The following EYS variants were observed in gnomAD, a reference collection of about 807,000 sequenced individuals.
EYS encodes EGF-like photoreceptor maintenance factor.
A neutral mutation model predicts 282.1 loss-of-function variants in EYS; 250 were observed. The observed-to-expected ratio is 0.89, with a 90% CI of 0.80 to 0.98. The LOEUF is 0.98. EYS is among the 50% of genes least tolerant of loss of function. The pLI is 0.00. For synonymous variants in EYS, 1,355 were observed against 1,282.9 expected (o/e 1.06, Z -1.20); for missense variants, 4,016 against 3,709.0 (o/e 1.08, Z -2.15).
At chr6:65,494,625 T>C in intron 4 of EYS, 38 bp downstream of exon 4, 2 of 1,491,994 alleles carry the variant, frequency 1.3e-6, no homozygotes, top group Admixed American at 2.0e-5. Flanking sequence ...ACTGTGTTTC[T>C]CTATTTTAAT....
intron 22 of EYS, among the ~76,000 whole-genome samples, chr6:64,668,841 A>G (rs561660326): frequency 1.3e-5 from 2 of 152,098 alleles, no homozygotes; most frequent in African/African-American, 4.8e-5. Flanking sequence ...TGCTGGTATT[A>G]CAGGTGTGAG....
At chr6:65,146,840 T>C (rs536744349) in intron 12 of EYS, among the ~76,000 whole-genome samples, 1 of 152,128 alleles carries the variant, frequency 6.6e-6, no homozygotes, top group South Asian at 2.1e-4. Context: ...CAGTTTAATT[T>C]TTATTAATTC....
chr6:65,171,318 AACAGGTAAC>A (rs1765100880), intron 12 of EYS, among the ~76,000 whole-genome samples: 2 of 151,578 alleles, frequency 1.3e-5, no homozygotes, highest in South Asian at 2.1e-4. Context: ...ATCTACTATG[AACAGGTAAC>A]ACATTAAATA....
rs574033529 is a variant in EYS at position 64,384,720 on chromosome 6, G to A, written c.6078+3970C>T. On this transcript the variant is annotated intron_variant, in intron 29 of 42. Coordinates refer to ENST00000503581, the MANE Select transcript of EYS (RefSeq NM_001142800.2). ...GTGTTTTTCTACCACCAGAGAGAAG[G>A]CATTTACTCTCAGACCTTGAAAGTT... 9.9e-5 allele frequency among the ~76,000 whole-genome samples: 15 copies of A among 152,264 alleles called. No individual in the cohort carries two copies. In the South Asian group the frequency reaches 2.5e-3, roughly 25 times the overall value.
chr6:64,108,055 G>C (rs1464649927), intron 31 of EYS, among the ~76,000 whole-genome samples: 1 of 151,332 alleles, frequency 6.6e-6, no homozygotes, highest in Non-Finnish European at 1.5e-5. Context: ...GAGAAGAACA[G>C]AATGCTCTGT....
chr6:65,560,804 A>G (rs1769025335), intron 2 of EYS, among the ~76,000 whole-genome samples: 1 of 152,110 alleles, frequency 6.6e-6, no homozygotes, highest in Non-Finnish European at 1.5e-5. Context: ...TATTATATAT[A>G]CTGGTCCCAT....
chr6:64,687,600 T>C (rs765974941), intron 22 of EYS, among the ~76,000 whole-genome samples: 17 of 152,236 alleles, frequency 1.1e-4, no homozygotes, highest in Non-Finnish European at 1.5e-4. Context: ...AACTTTTTGA[T>C]ATGCGGCTGG....
At chr6:63,796,801 T>A (rs950385175) in intron 37 of EYS, among the ~76,000 whole-genome samples, 1 of 152,348 alleles carries the variant, frequency 6.6e-6, no homozygotes, top group South Asian at 2.1e-4. Context: ...GGATTGTCTC[T>A]AGGAATAACT....
intron 26 of EYS, among the ~76,000 whole-genome samples, chr6:64,461,636 T>C (rs558877054): frequency 6.6e-6 from 1 of 152,282 alleles, no homozygotes; most frequent in East Asian, 1.9e-4. Context: ...GAAATTCCAG[T>C]GGTTTAACAG....
At chr6:64,007,480 C>T (rs1377184178) in intron 33 of EYS, among the ~76,000 whole-genome samples, 6 of 150,708 alleles carry the variant, frequency 4.0e-5, no homozygotes, top group Admixed American at 1.3e-4. Flanking sequence ...TTTTTTACAT[C>T]TCAATTTCCT....
intron 13 of EYS, among the ~76,000 whole-genome samples, chr6:65,006,915 C>T (rs1771686847): frequency 6.6e-6 from 1 of 152,190 alleles, no homozygotes; most frequent in African/African-American, 2.4e-5. Context: ...TTGCTACACC[C>T]TCTCTGAAAT....
intron 33 of EYS, among the ~76,000 whole-genome samples, chr6:64,048,916 A>C (rs1174806869): frequency 2.0e-5 from 3 of 150,652 alleles, no homozygotes; most frequent in Non-Finnish European, 4.4e-5. Context: ...TTCCCCCCCT[A>C]GATGTTTGCT....
chr6:64,740,730 T>A (rs2149960726), intron 22 of EYS, among the ~76,000 whole-genome samples: 1 of 151,888 alleles, frequency 6.6e-6, no homozygotes, highest in Middle Eastern at 3.4e-3. Flanking sequence ...TTTTTTTTTT[T>A]TTTTACTGAG....
chr6:64,902,236 T>A lies in EYS; in HGVS notation c.2739-16A>T. On this transcript the variant is annotated splice_polypyrimidine_tract_variant and intron_variant, in intron 17 of 42. Coordinates refer to ENST00000503581, the MANE Select transcript of EYS (RefSeq NM_001142800.2). Reference sequence around the variant, plus strand: ...GCAAATACACCTTTTAAACAAAAAATTTAGTAACTCCATTAGTATATATGT... The same window carrying A: ...GCAAATACACCTTTTAAACAAAAAAATTAGTAACTCCATTAGTATATATGT... 6.6e-7 allele frequency: 1 copy of A among 1,504,970 alleles called. No homozygotes were observed. Among genetic ancestry groups the A allele is most frequent in the South Asian group, 1.2e-5 (1 of 82,072 alleles). 93.2% of individuals were successfully genotyped at this position (1,504,970 alleles called of 1,614,324 possible).
At chr6:65,218,565 G>T (rs1766377318) in intron 12 of EYS, among the ~76,000 whole-genome samples, 1 of 152,030 alleles carries the variant, frequency 6.6e-6, no homozygotes, top group Non-Finnish European at 1.5e-5. Flanking sequence ...TTGGGATTTT[G>T]CCATTTGTCA....
chr6:65,668,110 T>C (rs1768261489), intron 1 of EYS, among the ~76,000 whole-genome samples: 5 of 151,884 alleles, frequency 3.3e-5, no homozygotes, highest in South Asian at 4.1e-4. Flanking sequence ...TTTCTTTAGA[T>C]CCCCTTTGCC....
chr6:64,607,890 C>T (rs557349146), intron 24 of EYS, among the ~76,000 whole-genome samples: 5 of 152,146 alleles, frequency 3.3e-5, no homozygotes, highest in African/African-American at 9.6e-5. Flanking sequence ...AGCCTGTTTC[C>T]TCATCATCAC....
chr6:64,095,237 T>C, intron 31 of EYS, among the ~76,000 whole-genome samples: 1 of 152,226 alleles, frequency 6.6e-6, no homozygotes, highest in African/African-American at 2.4e-5. Context: ...TCTGTTGATT[T>C]GGGGTGGAGA....
chr6:64,034,948 CT>C, intron 33 of EYS, among the ~76,000 whole-genome samples: 1 of 152,268 alleles, frequency 6.6e-6, no homozygotes, highest in East Asian at 1.9e-4. Flanking sequence ...AATAAGGCAT[CT>C]GCTTTCTGTT....
Sources: allele counts gnomAD v4.1 joint callset (sites outside exome capture counted in the v4.1 genomes callset), GRCh38; gene constraint gnomAD v4.1.1; transcripts MANE v1.5; gene names NCBI Gene and HGNC (gene_info 2026-07-23, HGNC 2026-07-21).